The following LRRC20 variants were observed in gnomAD, a reference collection of about 807,000 sequenced individuals.
LRRC20 encodes leucine rich repeat containing 20, also known as leucine-rich repeat-containing protein 20.
LRRC20 carries 11 observed loss-of-function variants against 14.4 expected under a neutral mutation model. The observed-to-expected ratio is 0.77, with a 90% CI of 0.48 to 1.27. LRRC20 has a LOEUF of 1.27. Among genes scored for constraint, LRRC20 ranks in the 50% most tolerant of loss-of-function variants. LRRC20 has a pLI of 0.00. For missense variants in LRRC20, 219 were observed against 251.2 expected (o/e 0.87, Z 0.87); for synonymous variants, 121 against 107.3 (o/e 1.13, Z -0.79).
chr10:70,362,186 AG>A (rs764884879), intron 2 of LRRC20, among the ~76,000 whole-genome samples: 1 of 152,234 alleles, frequency 6.6e-6, no homozygotes, highest in Non-Finnish European at 1.5e-5. Context: ...ACTCTGTCTC[AG>A]AAAAAAAGAA....
intron 4 of LRRC20, among the ~76,000 whole-genome samples, chr10:70,310,165 C>T (rs1190977345): frequency 1.3e-5 from 2 of 152,188 alleles, no homozygotes; most frequent in East Asian, 1.9e-4. Flanking sequence ...CAGTCAAACT[C>T]GCAAGTGACA....
intron 4 of LRRC20, among the ~76,000 whole-genome samples, chr10:70,303,008 C>T (rs564357151): frequency 6.7e-6 from 1 of 149,168 alleles, no homozygotes; most frequent in South Asian, 2.1e-4. Flanking sequence ...CTGCGCCCGG[C>T]CCTCTATTTC....
intron 3 of LRRC20, among the ~76,000 whole-genome samples, chr10:70,337,339 C>T (rs940931113): frequency 1.3e-5 from 2 of 152,184 alleles, no homozygotes; most frequent in Non-Finnish European, 2.9e-5. Context: ...GGGGAGAGCC[C>T]AACAGGGTGC....
At chr10:70,381,107 T>C (rs1311337229) in intron 1 of LRRC20, among the ~76,000 whole-genome samples, 1 of 152,130 alleles carries the variant, frequency 6.6e-6, no homozygotes, top group African/African-American at 2.4e-5. Context: ...CTAAGAGAAG[T>C]TTTTTGAGGA....
chr10:70,375,477 C>T (rs902400262), intron 2 of LRRC20, among the ~76,000 whole-genome samples: 1 of 8,784 alleles, frequency 1.1e-4, no homozygotes. Context: ...CTTCCTGGAC[C>T]ACCTCTCTGC....
chr10:70,364,954 T>A (rs1589120565), intron 2 of LRRC20, among the ~76,000 whole-genome samples: 2 of 151,818 alleles, frequency 1.3e-5, no homozygotes, highest in East Asian at 3.9e-4. Context: ...AGCTCCAAAT[T>A]GCAAACAGTA....
chr10:70,337,083 G>A (rs10999277), intron 3 of LRRC20, among the ~76,000 whole-genome samples: 11,888 of 152,264 alleles, frequency 0.078, 723 homozygotes, highest in East Asian at 0.3. Flanking sequence ...CAGGGCCTTG[G>A]GCCTTGCAGA....
intron 2 of LRRC20, among the ~76,000 whole-genome samples, chr10:70,371,634 G>A (rs1844275670): frequency 6.6e-6 from 1 of 152,120 alleles, no homozygotes; most frequent in Non-Finnish European, 1.5e-5. Context: ...AAACCCAGAT[G>A]GAAAAGGGGC....
chr10:70,354,856 G>A (rs1045125170), intron 2 of LRRC20, among the ~76,000 whole-genome samples: 4 of 152,146 alleles, frequency 2.6e-5, no homozygotes, highest in African/African-American at 9.7e-5. Flanking sequence ...CCCTCGGTGT[G>A]GAGGCCGCCC....
intron 3 of LRRC20, among the ~76,000 whole-genome samples, chr10:70,324,725 A>G (rs1842252454): frequency 6.6e-6 from 1 of 152,134 alleles, no homozygotes; most frequent in Non-Finnish European, 1.5e-5. Flanking sequence ...CCGGGCGCCC[A>G]CAGGGCCCTG....
Position 70,301,248 on chromosome 10 carries a change from CA to C in LRRC20, c.*105del. On this transcript the variant is annotated 3_prime_UTR_variant, in exon 5 of 5. Transcript: ENST00000446961. ...CCCACCCACCACGTGCTGCTCGGCC[CA>C]CCCGCCCCCAGCCCCCAGGCTTGGC... The C allele has an allele frequency of 6.8e-7, 1 of 1,471,810 alleles. No homozygotes were observed. Among genetic ancestry groups the C allele is most frequent in the Admixed American group, 2.3e-5 (1 of 43,486 alleles). The allele number at this position is 1,471,810 out of a possible 1,614,324, so 91.2% of individuals were successfully genotyped here.
rs917916359 is a variant in LRRC20, at chr10:70,346,378, A to G, written c.83-5676T>C. On this transcript the variant is annotated intron_variant, in intron 2 of 4. Transcript: ENST00000446961. Reference sequence around the variant, plus strand: ...CAGTAAGCTATGATTGCATCACTGCACTCAAGCTGGGCAACAGAGCAAGAC... The same window carrying G: ...CAGTAAGCTATGATTGCATCACTGCGCTCAAGCTGGGCAACAGAGCAAGAC... Among the ~76,000 whole-genome samples, 5 of 152,212 alleles carry G rather than the reference A, an allele frequency of 3.3e-5. No homozygotes were observed. In the East Asian group the frequency reaches 9.6e-4, roughly 29 times the overall value.
intron 4 of LRRC20, among the ~76,000 whole-genome samples, chr10:70,304,139 C>G (rs964940830): frequency 6.6e-6 from 1 of 152,128 alleles, no homozygotes; most frequent in African/African-American, 2.4e-5. Context: ...AGGACGCTTG[C>G]CCTCGACGCG....
At chr10:70,316,749 G>A (rs80007912) in intron 4 of LRRC20, among the ~76,000 whole-genome samples, 175 of 152,388 alleles carry the variant, frequency 1.1e-3, no homozygotes, top group Non-Finnish European at 2.2e-3. Flanking sequence ...CGGTGCGGCT[G>A]CACAGCTGGC....
At chr10:70,354,172 C>T (rs924152755) in intron 2 of LRRC20, among the ~76,000 whole-genome samples, 3 of 152,158 alleles carry the variant, frequency 2.0e-5, no homozygotes, top group Non-Finnish European at 2.9e-5. Context: ...CTAAGTCTCT[C>T]TCCCAGAGAG....
intron 2 of LRRC20, among the ~76,000 whole-genome samples, chr10:70,365,851 A>G (rs549120591): frequency 1.1e-4 from 17 of 152,294 alleles, no homozygotes; most frequent in African/African-American, 3.8e-4. Flanking sequence ...CGGGCGGATC[A>G]CGAGGTCAGG....
At chr10:70,347,689 G>C (rs1036535495) in intron 2 of LRRC20, among the ~76,000 whole-genome samples, 2 of 151,818 alleles carry the variant, frequency 1.3e-5, no homozygotes, top group African/African-American at 4.8e-5. Context: ...GTGTGGTGGC[G>C]CGTCCTATAA....
At chr10:70,351,383 C>G (rs532322343) in intron 2 of LRRC20, among the ~76,000 whole-genome samples, 1 of 152,280 alleles carries the variant, frequency 6.6e-6, no homozygotes, top group South Asian at 2.1e-4. Flanking sequence ...CTCTCCATGT[C>G]TCCATCTGAG....
intron 3 of LRRC20, among the ~76,000 whole-genome samples, chr10:70,324,674 C>A (rs1364011760): frequency 1.3e-5 from 2 of 152,160 alleles, no homozygotes; most frequent in Non-Finnish European, 2.9e-5. Flanking sequence ...AGAGATGGGG[C>A]CAGATATAGT....
Sources: allele counts gnomAD v4.1 joint callset (sites outside exome capture counted in the v4.1 genomes callset), GRCh38; gene constraint gnomAD v4.1.1; transcripts MANE v1.5; gene names NCBI Gene and HGNC (gene_info 2026-07-23, HGNC 2026-07-21).